TXLNB: variants seen among roughly 807,000 people sequenced by gnomAD.
TXLNB encodes the protein taxilin beta.
A neutral mutation model predicts 57.4 loss-of-function variants in TXLNB; 37 were observed. That is an observed-to-expected ratio of 0.64 (90% CI 0.50 to 0.85). The LOEUF is 0.85. Ranked by LOEUF, TXLNB falls within the 40% of genes least tolerant of loss-of-function variation. The pLI, the probability that TXLNB is intolerant of heterozygous loss-of-function variation, is 0.00. For missense variants in TXLNB, 848 were observed against 825.6 expected (o/e 1.03, Z -0.33); for synonymous variants, 302 against 309.6 (o/e 0.98, Z 0.26).
the TXLNB span, among the ~76,000 whole-genome samples, chr6:139,313,079 T>C: frequency 6.8e-6 from 1 of 147,950 alleles, no homozygotes; most frequent in Admixed American, 6.7e-5. Context: ...CTTTCTCTCT[T>C]TTTTTTTTTT....
chr6:139,207,171 A>G, the TXLNB span, among the ~76,000 whole-genome samples: 1 of 152,232 alleles, frequency 6.6e-6, no homozygotes, highest in African/African-American at 2.4e-5. Flanking sequence ...CAATAACTGC[A>G]GAATATTCAT....
chr6:139,316,776 C>T, the TXLNB span, among the ~76,000 whole-genome samples: 1 of 152,186 alleles, frequency 6.6e-6, no homozygotes, highest in African/African-American at 2.4e-5. Flanking sequence ...AGGGGAAATG[C>T]ATTGAGGTAA....
At chr6:139,176,827 A>G in the TXLNB span, 1 of 682,344 alleles carries the variant, frequency 1.5e-6, no homozygotes, top group African/African-American at 1.8e-5. This position sits in a 1 kb window ranked among gnomAD's most constrained non-coding sequence, Gnocchi z 4.5. Flanking sequence ...TTTGGTAGTA[A>G]AAGGGATGCT....
chr6:139,214,061 T>A, the TXLNB span, among the ~76,000 whole-genome samples: 4 of 152,202 alleles, frequency 2.6e-5, no homozygotes, highest in African/African-American at 9.7e-5. Context: ...AAGGAGGAGC[T>A]GGTACCATTC....
At position 139,288,675 on chromosome 6, in the gene TXLNB, G is replaced by A; in HGVS notation, c.225C>T (p.Ser75=). 6.2e-7 allele frequency: 1 copy of A among 1,614,154 alleles called. No individual in the cohort carries two copies. ...DIINTYGSAA[S]TAGKEGSARA... ...TGGCAGAGCCCTCTTTCCCTGCTGT[G>A]CTGGCAGCAGACCCATAAGTGTTAA... Residue 75 remains serine, a synonymous_variant, in exon 2 of 10, where the codon AGC becomes AGT. Coordinates refer to ENST00000358430, the MANE Select transcript of TXLNB (RefSeq NM_153235.4).
the TXLNB span, among the ~76,000 whole-genome samples, chr6:139,210,815 C>T: frequency 8.5e-5 from 13 of 152,334 alleles, no homozygotes; most frequent in East Asian, 9.7e-4. Flanking sequence ...TCTTAGCAAA[C>T]GGCACACCAG....
chr6:139,222,588 C>G, the TXLNB span, among the ~76,000 whole-genome samples: 1 of 152,166 alleles, frequency 6.6e-6, no homozygotes, highest in Non-Finnish European at 1.5e-5. Flanking sequence ...AGGTGAATCA[C>G]CTGAAGTCAG....
the TXLNB span, among the ~76,000 whole-genome samples, chr6:139,232,880 G>A: frequency 3.9e-5 from 6 of 152,042 alleles, no homozygotes; most frequent in African/African-American, 1.2e-4. Flanking sequence ...GAGCTGTGTT[G>A]AGTTTAAATA....
At chr6:139,285,093 C>T (rs6929966) in intron 2 of TXLNB, among the ~76,000 whole-genome samples, 33,377 of 144,294 alleles carry the variant, frequency 0.23, 8,140 homozygotes, top group African/African-American at 0.47. Flanking sequence ...AATTTGGTAT[C>T]GTAAATAGCG....
At chr6:139,220,894 A>T in the TXLNB span, among the ~76,000 whole-genome samples, 17 of 152,334 alleles carry the variant, frequency 1.1e-4, no homozygotes, top group African/African-American at 3.1e-4. Context: ...AATACGATGC[A>T]TCTTCAGAAT....
At chr6:139,182,763 G>A in the TXLNB span, among the ~76,000 whole-genome samples, 2 of 152,104 alleles carry the variant, frequency 1.3e-5, no homozygotes, top group Non-Finnish European at 2.9e-5. Flanking sequence ...GAAACTTTTA[G>A]CATTGTGGTA....
chr6:139,305,653 TAGC>T, the TXLNB span, among the ~76,000 whole-genome samples: 13 of 152,180 alleles, frequency 8.5e-5, no homozygotes, highest in Admixed American at 8.5e-4. Flanking sequence ...TCCTGGACAG[TAGC>T]TGTAGATTTC....
chr6:139,247,204 G>A (rs1261094507), intron 8 of TXLNB, among the ~76,000 whole-genome samples: 14 of 152,040 alleles, frequency 9.2e-5, no homozygotes, highest in Middle Eastern at 3.2e-3. Flanking sequence ...GTGCAGTGGC[G>A]TGATCTCACT....
the TXLNB span, among the ~76,000 whole-genome samples, chr6:139,223,483 A>G: frequency 6.6e-6 from 1 of 152,126 alleles, no homozygotes; most frequent in African/African-American, 2.4e-5. Context: ...GAGAAGAACA[A>G]AGGCCAATAT....
intron 9 of TXLNB, among the ~76,000 whole-genome samples, chr6:139,243,619 T>G (rs898920284): frequency 6.6e-6 from 1 of 151,950 alleles, no homozygotes; most frequent in Admixed American, 6.6e-5. Context: ...TCAAATCTTA[T>G]GGATGAATTT....
In TXLNB at chr6:139,270,644, C is replaced by A; in HGVS notation, c.517-18G>T. ...TCATCCAGCTGTACACATGGAGATA[C>A]AAACATGAAAGAAAATGGCAGGGAT... is the stretch of plus-strand genomic sequence containing the variant. On this transcript the variant is annotated intron_variant, in intron 3 of 9. Transcript: ENST00000358430. 2 of 1,610,908 alleles carry A rather than the reference C, an allele frequency of 1.2e-6. No homozygotes were observed. Among genetic ancestry groups the A allele is most frequent in the South Asian group, 1.1e-5 (1 of 90,482 alleles).
At chr6:139,163,098 T>G in the TXLNB span, among the ~76,000 whole-genome samples, 1 of 152,232 alleles carries the variant, frequency 6.6e-6, no homozygotes, top group Non-Finnish European at 1.5e-5. Flanking sequence ...TCATTTTGGC[T>G]GGGACTTTTC....
the TXLNB span, among the ~76,000 whole-genome samples, chr6:139,218,433 T>C: frequency 6.6e-6 from 1 of 152,162 alleles, no homozygotes; most frequent in African/African-American, 2.4e-5. Flanking sequence ...TTAGGGCATC[T>C]GCAAAGCAGC....
At chr6:139,293,332 C>T (rs963588630), upstream of TXLNB, among the ~76,000 whole-genome samples, 6 of 152,002 alleles carry the variant, frequency 3.9e-5, no homozygotes, top group Non-Finnish European at 5.9e-5. Context: ...CCTCATGATC[C>T]GCCCACCTCG....
Sources: allele counts gnomAD v4.1 joint callset (sites outside exome capture counted in the v4.1 genomes callset), GRCh38; gene constraint gnomAD v4.1.1; non-coding constraint Gnocchi (gnomAD v3.1); transcripts MANE v1.5; gene names NCBI Gene and HGNC (gene_info 2026-07-23, HGNC 2026-07-21).